SHQ1: variants seen among roughly 807,000 people sequenced by gnomAD.
SHQ1 encodes SHQ1, H/ACA ribonucleoprotein assembly factor.
SHQ1 carries 49 observed loss-of-function variants against 53.8 expected under a neutral mutation model. That is an observed-to-expected ratio of 0.91 (90% CI 0.72 to 1.16). The LOEUF is 1.16. Among genes scored for constraint, SHQ1 ranks in the 50% most tolerant of loss-of-function variants. The pLI is 0.00. For synonymous variants in SHQ1, 243 were observed against 251.0 expected, an observed-to-expected ratio of 0.97 and a Z score of 0.30; for missense variants, 738 against 683.1, an observed-to-expected ratio of 1.08 and a Z score of -0.90.
At chr3:72,769,552 T>A (rs1428810108) in intron 10 of SHQ1, among the ~76,000 whole-genome samples, 1 of 152,208 alleles carries the variant, frequency 6.6e-6, no homozygotes, top group Non-Finnish European at 1.5e-5. Flanking sequence ...GCCTAGCACA[T>A]CTTCCCCCTT....
intron 10 of SHQ1, among the ~76,000 whole-genome samples, chr3:72,752,069 T>C (rs1705397075): frequency 6.6e-6 from 1 of 152,206 alleles, no homozygotes; most frequent in African/African-American, 2.4e-5. Context: ...AACAGCCAAA[T>C]GTCCTTGTTA....
chr3:72,774,550 G>T (rs1268426901), intron 10 of SHQ1, among the ~76,000 whole-genome samples: 3 of 152,100 alleles, frequency 2.0e-5, no homozygotes, highest in Non-Finnish European at 4.4e-5. Flanking sequence ...CATATGCTTG[G>T]AAAGGAGAAA....
At chr3:72,845,532 G>C (rs371979612) in intron 1 of SHQ1, among the ~76,000 whole-genome samples, 1 of 151,640 alleles carries the variant, frequency 6.6e-6, no homozygotes, top group Non-Finnish European at 1.5e-5. Context: ...CCTGCTTCCA[G>C]TTTTACCCTA....
intron 4 of SHQ1, among the ~76,000 whole-genome samples, chr3:72,835,214 T>C (rs1707952863): frequency 6.6e-6 from 1 of 151,584 alleles, no homozygotes; most frequent in Non-Finnish European, 1.5e-5. Flanking sequence ...ATGTAACATA[T>C]TCTGGGGAGA....
intron 5 of SHQ1, among the ~76,000 whole-genome samples, chr3:72,824,969 T>C (rs1194366483): frequency 6.6e-6 from 1 of 152,020 alleles, no homozygotes; most frequent in Non-Finnish European, 1.5e-5. Flanking sequence ...GCCTGGCTAA[T>C]TTCTATTTTT....
intron 5 of SHQ1, among the ~76,000 whole-genome samples, chr3:72,831,910 CAT>C (rs1427380853): frequency 6.6e-6 from 1 of 152,182 alleles, no homozygotes; most frequent in Non-Finnish European, 1.5e-5. Context: ...TCATTGGAAA[CAT>C]ATCACTGATT....
Position 72,841,112 on chromosome 3 carries a change from C to G in SHQ1, c.419G>C (p.Ser140Thr), listed in dbSNP as rs17855677. 6.2e-7 allele frequency: 1 copy of G among 1,613,992 alleles called. No individual in the cohort carries two copies. Among genetic ancestry groups the G allele is most frequent in the Non-Finnish European group, 8.5e-7 (1 of 1,180,004 alleles). ...EQTPCEEVSE[S>T]ALNPQCHYGF... ...ATAGTGGCACTGCGGATTCAAAGCA[C>G]TTTCTGATACCTCTTCACAGGGTGT... The change falls in exon 4 of 11, where the codon AGT (serine) becomes ACT (threonine). Residue 140 changes from serine to threonine, a missense_variant. Transcript: ENST00000325599.
the SHQ1 span, among the ~76,000 whole-genome samples, chr3:72,737,941 A>T: frequency 3.3e-5 from 5 of 152,120 alleles, no homozygotes; most frequent in African/African-American, 1.2e-4. Context: ...CCTTTTTCTT[A>T]ATGTGACACA....
chr3:72,763,163 C>G (rs1276083706), intron 10 of SHQ1, among the ~76,000 whole-genome samples: 1 of 151,966 alleles, frequency 6.6e-6, no homozygotes, highest in Non-Finnish European at 1.5e-5. Context: ...AAGTAAAAAA[C>G]ACCTTTGTAG....
rs1346212623 is a variant in SHQ1 at position 72,824,548 on chromosome 3, A to T, written c.603T>A (p.Ala201=). The change falls in exon 6 of 11, where the codon GCT becomes GCA. Residue 201 remains alanine, a synonymous_variant. Coordinates refer to ENST00000325599, the MANE Select transcript of SHQ1 (RefSeq NM_018130.3). ...CAATCGCCTCATCTTCAAAAAAGTC[A>T]GCTCTAGGAAAAAACATTGAAAGAA... ...LAKFDPDHYL[A]DFFEDEAIEQ... 2.5e-6 allele frequency: 4 copies of T among 1,607,356 alleles called. No individual in the cohort carries two copies. In the South Asian group the frequency reaches 4.5e-5, roughly 18 times the overall value.
At chr3:72,834,397 G>A (rs1707930090) in intron 4 of SHQ1, among the ~76,000 whole-genome samples, 1 of 152,176 alleles carries the variant, frequency 6.6e-6, no homozygotes, top group Admixed American at 6.5e-5. Context: ...AGGTGTGGTG[G>A]CGTGCACCTG....
At chr3:72,827,564 TTTGA>T (rs1304567751) in intron 5 of SHQ1, among the ~76,000 whole-genome samples, 1 of 152,120 alleles carries the variant, frequency 6.6e-6, no homozygotes, top group East Asian at 1.9e-4. Flanking sequence ...CTCCAAAATG[TTTGA>T]TTATTTTGAG....
At chr3:72,728,952 C>A in the SHQ1 span, among the ~76,000 whole-genome samples, 1 of 152,174 alleles carries the variant, frequency 6.6e-6, no homozygotes, top group Non-Finnish European at 1.5e-5. Flanking sequence ...CTACTGAGAG[C>A]CCAGATATAA....
chr3:72,748,204 C>A (rs947980503), downstream of SHQ1, among the ~76,000 whole-genome samples: 5 of 151,764 alleles, frequency 3.3e-5, no homozygotes. Context: ...AAGGATCAAA[C>A]TACTTCCATG....
intron 4 of SHQ1, 124 bp downstream of exon 4, chr3:72,840,921 G>T (rs1333469608): frequency 1.4e-5 from 16 of 1,139,482 alleles, no homozygotes; most frequent in Middle Eastern, 2.1e-4. Context: ...TGTGCTAAGT[G>T]CTTTAAATAC....
At chr3:72,750,888 G>C in intron 10 of SHQ1, 52 bp from the exon 11 acceptor site, 1 of 1,422,702 alleles carries the variant, frequency 7.0e-7, no homozygotes, top group Non-Finnish European at 9.3e-7. Flanking sequence ...ATTGGCCTGG[G>C]GATAACAGGT....
intron 10 of SHQ1, among the ~76,000 whole-genome samples, chr3:72,756,418 G>A (rs1276185400): frequency 6.6e-6 from 1 of 152,094 alleles, no homozygotes; most frequent in Non-Finnish European, 1.5e-5. Flanking sequence ...TGGGATTACA[G>A]GCATGCGCCA....
the SHQ1 span, among the ~76,000 whole-genome samples, chr3:72,735,792 G>GGCAA: frequency 0.012 from 1,430 of 120,298 alleles, 66 homozygotes; most frequent in African/African-American, 0.042. Flanking sequence ...CAGGCAGGCA[G>GGCAA]GCAGGCATTT....
At chr3:72,807,127 A>T (rs1706977111) in intron 9 of SHQ1, among the ~76,000 whole-genome samples, 1 of 152,224 alleles carries the variant, frequency 6.6e-6, no homozygotes, top group Admixed American at 6.5e-5. Context: ...GGTGTTAGGA[A>T]ACTAGTAGGA....
Sources: gnomAD v4.1 joint callset for allele counts (sites outside exome capture counted in the v4.1 genomes callset) on GRCh38, gnomAD v4.1.1 for gene constraint, MANE v1.5 for transcripts, NCBI Gene and HGNC (gene_info 2026-07-23, HGNC 2026-07-21) for gene names.